The following PIGZ variants were observed in gnomAD, a reference collection of about 807,000 sequenced individuals.
PIGZ encodes GPI alpha-1,2-mannosyltransferase 4.
In PIGZ, 16 loss-of-function variants were observed where a neutral mutation model predicts 16.4. The ratio of observed to expected loss-of-function variants is 0.97; its 90% CI spans 0.66 to 1.48. The LOEUF is 1.48. Ranked by LOEUF, PIGZ falls within the 40% of genes most tolerant of loss-of-function variation. The pLI, the probability that PIGZ is intolerant of heterozygous loss-of-function variation, is 0.00. For synonymous variants in PIGZ, 409 were observed against 338.4 expected (o/e 1.21, Z -2.29); for missense variants, 770 against 739.2 (o/e 1.04, Z -0.48).
In PIGZ at chr3:196,948,153, G is replaced by C. The variant is rs1402924584; in HGVS notation, c.744C>G (p.Asn248Lys). The change falls in exon 3 of 3, where the codon AAC becomes AAG. Residue 248 changes from asparagine (N) to lysine (K), a missense_variant. Transcript: ENST00000412723. ...CCCGGGTCAGAGACTTCAAACCAGG[G>C]TTTGTGGCTCCACGAGTGCCCCAGA... ...LYLWGTRGAT[N>K]PGLKSLTREA... is the part of the protein sequence containing the mutation. The C allele has an allele frequency of 2.5e-6, 4 of 1,612,018 alleles. No homozygotes were observed. Among genetic ancestry groups the C allele is most frequent in the East Asian group, 2.2e-5 (1 of 44,830 alleles).
Position 196,947,792 on chromosome 3 carries a change from A to G in PIGZ, c.1105T>C (p.Tyr369His). The change falls in exon 3 of 3, where the codon TAT becomes CAT. Residue 369 changes from tyrosine (Y) to histidine (H), a missense_variant. Tyr to His is a moderately conservative substitution (Grantham distance 83). Coordinates refer to ENST00000412723, the MANE Select transcript of PIGZ (RefSeq NM_025163.4). ...GGCATGAAGTAGAGGAGAAGGAGATAGGACCTGGGGCTGGACAGCAGGCTC... is the reference window on the plus strand; with the variant it reads ...GGCATGAAGTAGAGGAGAAGGAGATGGGACCTGGGGCTGGACAGCAGGCTC... ...ARSLLSSPRS[Y>H]LLLLYFMPLA... is the part of the protein sequence containing the mutation. 6.2e-7 allele frequency: 1 copy of G among 1,608,122 alleles called. No homozygotes were observed. Among genetic ancestry groups the G allele is most frequent in the Non-Finnish European group, 8.5e-7 (1 of 1,176,364 alleles).
At chr3:196,949,308 C>T (rs964911908) in intron 2 of PIGZ, among the ~76,000 whole-genome samples, 4 of 151,974 alleles carry the variant, frequency 2.6e-5, no homozygotes, top group South Asian at 2.1e-4. Context: ...TGCAGTGGGC[C>T]GGACCTAATC....
chr3:196,960,901 A>C (rs1323153685), intron 1 of PIGZ, among the ~76,000 whole-genome samples: 1 of 152,230 alleles, frequency 6.6e-6, no homozygotes, highest in Non-Finnish European at 1.5e-5. Flanking sequence ...AATTATAAAG[A>C]ATATATATCA....
chr3:196,955,194 C>A (rs188060909), intron 1 of PIGZ, among the ~76,000 whole-genome samples: 1 of 152,208 alleles, frequency 6.6e-6, no homozygotes, highest in South Asian at 2.1e-4. Context: ...CCAAAGTGCT[C>A]GGATTACATG....
intron 1 of PIGZ, among the ~76,000 whole-genome samples, chr3:196,954,600 G>A (rs1249810887): frequency 6.6e-6 from 1 of 151,908 alleles, no homozygotes; most frequent in Non-Finnish European, 1.5e-5. Flanking sequence ...TTTTATTTCA[G>A]ATTTTTTGCT....
At chr3:196,958,624 T>A (rs1412347221) in intron 1 of PIGZ, among the ~76,000 whole-genome samples, 2 of 152,332 alleles carry the variant, frequency 1.3e-5, no homozygotes, top group East Asian at 3.9e-4. Context: ...AGAGCGAGAC[T>A]TCGTCAAAAA....
chr3:196,958,820 G>A (rs896508964), intron 1 of PIGZ, among the ~76,000 whole-genome samples: 5 of 152,118 alleles, frequency 3.3e-5, no homozygotes, highest in African/African-American at 4.8e-5. Context: ...AGTTTAAGCC[G>A]TGTCAAATTA....
At position 196,947,499 on chromosome 3, in the gene PIGZ, G is replaced by T; in HGVS notation, c.1398C>A (p.Tyr466Ter). Residue 466 changes from tyrosine (Y) to a stop codon, truncating the protein, a stop_gained, in exon 3 of 3, where the codon TAC (tyrosine) becomes TAA (stop). Transcript: ENST00000412723. LOFTEE classifies it high-confidence loss of function. ...THYTLLFTHT[Y>*]MPPRHLLHLP... ...GGTGTAGGAGGTGCCGGGGGGGCATGTAGGTGTGAGTGAAGAGGAGTGTGT... is the reference window on the plus strand; with the variant it reads ...GGTGTAGGAGGTGCCGGGGGGGCATTTAGGTGTGAGTGAAGAGGAGTGTGT... 6.2e-7 allele frequency: 1 copy of T among 1,613,710 alleles called. No homozygotes were observed. Among genetic ancestry groups the T allele is most frequent in the Non-Finnish European group, 8.5e-7 (1 of 1,180,004 alleles).
Position 196,966,852 on chromosome 3 carries a change from A to G in PIGZ, c.-1+1835T>C, listed in dbSNP as rs533816005. Among the ~76,000 whole-genome samples the G allele has an allele frequency of 2.6e-3, 395 of 152,284 alleles. 5 individuals carry two copies. Among genetic ancestry groups the G allele is most frequent in the African/African-American group, 9.1e-3 (380 of 41,558 alleles). ...GAGGGATCTGTCCGGGTGCGGGTCC[A>G]GCACGGGTCCAAATCCTGCATCTCC... On this transcript the variant is annotated intron_variant, in intron 1 of 2. Transcript: ENST00000412723.
At chr3:196,949,050 T>C (rs774737253) in intron 2 of PIGZ, among the ~76,000 whole-genome samples, 1 of 23,436 alleles carries the variant, frequency 4.3e-5, no homozygotes, top group East Asian at 7.1e-3. Flanking sequence ...TTCCTTCCCT[T>C]CCCTTCCTTC....
At position 196,948,390 on chromosome 3, in the gene PIGZ, C is replaced by G. The variant is rs773033340; in HGVS notation, c.507G>C (p.Leu169=). The G allele has an allele frequency of 1.2e-6, 2 of 1,614,054 alleles. No homozygotes were observed. The highest frequency in any genetic ancestry group is 1.7e-5 in the Admixed American group (1 of 60,006). The change falls in exon 3 of 3, where the codon CTG becomes CTC. Residue 169 remains leucine (L), a synonymous_variant. Coordinates refer to ENST00000412723, the MANE Select transcript of PIGZ (RefSeq NM_025163.4). Reference sequence around the variant, plus strand: ...TGGAGAAGGTCCTTGTGTAGAAGACCAGGGTGACGTAGGAACCAGACAGCA... The same window carrying G: ...TGGAGAAGGTCCTTGTGTAGAAGACGAGGGTGACGTAGGAACCAGACAGCA... ...LALLSGSYVT[L]VFYTRTFSNT...
intron 1 of PIGZ, among the ~76,000 whole-genome samples, chr3:196,954,242 A>G (rs1302931400): frequency 6.6e-6 from 1 of 152,190 alleles, no homozygotes; most frequent in Non-Finnish European, 1.5e-5. Context: ...CTGAGATCAC[A>G]CCACAGCACC....
At chr3:196,949,562 C>T (rs941415682) in intron 2 of PIGZ, among the ~76,000 whole-genome samples, 3 of 152,230 alleles carry the variant, frequency 2.0e-5, no homozygotes, top group East Asian at 1.9e-4. Flanking sequence ...CCAGTCCATA[C>T]GCTGATGTCC....
intron 1 of PIGZ, among the ~76,000 whole-genome samples, chr3:196,963,330 C>A (rs1484872715): frequency 6.6e-6 from 1 of 152,226 alleles, no homozygotes; most frequent in East Asian, 1.9e-4. Flanking sequence ...AAAGTCCCTG[C>A]ATCCTATGGT....
In PIGZ at chr3:196,947,728, C is replaced by G. The variant is rs199641385; in HGVS notation, c.1169G>C (p.Arg390Pro). 1.2e-6 allele frequency: 2 copies of G among 1,612,898 alleles called. No homozygotes were observed. Among genetic ancestry groups the G allele is most frequent in the South Asian group, 2.2e-5 (2 of 90,856 alleles). The change falls in exon 3 of 3, where the codon CGG becomes CCG. Residue 390 changes from arginine (R) to proline (P), a missense_variant. Coordinates refer to ENST00000412723, the MANE Select transcript of PIGZ (RefSeq NM_025163.4). ...GGGGACCAGGAGGGGAATCAGGAAC[C>G]GAGCCTCCTGGTGGCTAAAGGCAGA... ...LLSAFSHQEARFLIPLLVPLV... is the reference protein window; with the variant it reads ...LLSAFSHQEAPFLIPLLVPLV...
chr3:196,955,195 G>A (rs751716880), intron 1 of PIGZ, among the ~76,000 whole-genome samples: 7 of 152,106 alleles, frequency 4.6e-5, no homozygotes, highest in Non-Finnish European at 8.8e-5. Context: ...CAAAGTGCTC[G>A]GATTACATGC....
chr3:196,950,974 GACC>G (rs1717257384), intron 2 of PIGZ, among the ~76,000 whole-genome samples: 1 of 152,170 alleles, frequency 6.6e-6, no homozygotes, highest in Non-Finnish European at 1.5e-5. Flanking sequence ...TCAAACTCCT[GACC>G]TCAGGTGATC....
intron 1 of PIGZ, among the ~76,000 whole-genome samples, chr3:196,963,060 G>T (rs1485206279): frequency 6.6e-6 from 1 of 152,218 alleles, no homozygotes; most frequent in Admixed American, 6.5e-5. Context: ...AGTCTCTGGA[G>T]GCCTTTGTGG....
At chr3:196,957,452 G>A (rs1315551628) in intron 1 of PIGZ, among the ~76,000 whole-genome samples, 6 of 150,140 alleles carry the variant, frequency 4.0e-5, no homozygotes, top group Non-Finnish European at 5.9e-5. Context: ...GCATGATCTC[G>A]GCTCACTGCA....
Sources: gnomAD v4.1 joint callset for allele counts (sites outside exome capture counted in the v4.1 genomes callset) on GRCh38, gnomAD v4.1.1 for gene constraint, MANE v1.5 for transcripts, NCBI Gene and HGNC (gene_info 2026-07-23, HGNC 2026-07-21) for gene names.